WNT9A: variants seen among roughly 807,000 people sequenced by gnomAD.
WNT9A encodes the protein protein Wnt-9a.
A neutral mutation model predicts 31.4 loss-of-function variants in WNT9A; 8 were observed. That is an observed-to-expected ratio of 0.26 (90% CI 0.15 to 0.46). The LOEUF (loss-of-function observed/expected upper bound fraction) is 0.46, where lower values mean the gene tolerates loss of function less well. Ranked by LOEUF, WNT9A falls within the 20% of genes least tolerant of loss-of-function variation. The pLI is 0.99. For missense variants in WNT9A, 457 were observed against 522.9 expected, an observed-to-expected ratio of 0.87 and a Z score of 1.23; for synonymous variants, 236 against 220.1, an observed-to-expected ratio of 1.07 and a Z score of -0.64.
intron 1 of WNT9A, among the ~76,000 whole-genome samples, chr1:227,940,817 C>T (rs1053730737): frequency 6.6e-6 from 1 of 152,250 alleles, no homozygotes; most frequent in Admixed American, 6.5e-5. Context: ...GGCGCCCAGC[C>T]AGCCAGGACC....
chr1:227,922,064 C>G (rs898485561), intron 3 of WNT9A, 64 bp from the exon 4 acceptor site: 2 of 1,536,576 alleles, frequency 1.3e-6, no homozygotes, highest in African/African-American at 2.7e-5. Context: ...AGTGAGCAGA[C>G]CCTGCCCTGG....
intron 1 of WNT9A, among the ~76,000 whole-genome samples, chr1:227,941,299 T>C (rs927805949): frequency 6.6e-6 from 1 of 151,990 alleles, no homozygotes; most frequent in Non-Finnish European, 1.5e-5. Context: ...CAGGGACCCT[T>C]CTGGCCAATC....
chr1:227,941,037 TCTG>T (rs1666696533), intron 1 of WNT9A, among the ~76,000 whole-genome samples: 1 of 152,222 alleles, frequency 6.6e-6, no homozygotes. Context: ...GCATGGCTGC[TCTG>T]GTGGGGCCAT....
chr1:227,947,824 C>T lies in WNT9A; in HGVS notation c.64G>A (p.Ala22Thr). The T allele has an allele frequency of 9.1e-7, 1 of 1,095,302 alleles. No individual in the cohort carries two copies. The highest frequency in any genetic ancestry group is 1.1e-6 in the Non-Finnish European group (1 of 901,226). The allele number at this position is 1,095,302 out of a possible 1,614,324, so 67.8% of individuals were successfully genotyped here. ...AAAFGLTLLL[A>T]ALRPSAAYFG... ...TAGGCGGCCGAAGGGCGCAGCGCGGCGAGCAGCAGCGTCAGCCCGAAGGCC... is the reference window on the plus strand; with the variant it reads ...TAGGCGGCCGAAGGGCGCAGCGCGGTGAGCAGCAGCGTCAGCCCGAAGGCC... Residue 22 changes from alanine to threonine, a missense_variant, in exon 1 of 4, where the codon GCC becomes ACC. Coordinates refer to ENST00000272164, the MANE Select transcript of WNT9A (RefSeq NM_003395.4).
chr1:227,939,870 C>T (rs1390485345), intron 1 of WNT9A, among the ~76,000 whole-genome samples: 1 of 152,244 alleles, frequency 6.6e-6, no homozygotes, highest in Non-Finnish European at 1.5e-5. Flanking sequence ...TCCACCCTCC[C>T]CGTGGTCTGC....
intron 1 of WNT9A, among the ~76,000 whole-genome samples, chr1:227,943,429 C>G (rs1417979475): frequency 6.6e-6 from 1 of 152,224 alleles, no homozygotes; most frequent in Non-Finnish European, 1.5e-5. Context: ...TAAAAACAGG[C>G]AAAGGAGCTG....
intron 2 of WNT9A, among the ~76,000 whole-genome samples, chr1:227,924,832 G>A (rs1213925156): frequency 6.6e-6 from 1 of 152,206 alleles, no homozygotes; most frequent in Non-Finnish European, 1.5e-5. Context: ...ATAGGCAGTG[G>A]AGAGCCCCTG....
Position 227,920,350 on chromosome 1 carries a change from T to C in WNT9A, c.*1168A>G, listed in dbSNP as rs1405981626. On this transcript the variant is annotated 3_prime_UTR_variant, in exon 4 of 4. Transcript: ENST00000272164. The stretch of plus-strand genomic sequence containing the variant: ...TCAGAGGCAGGGTTAGGAGGGAATA[T>C]GTCAGGGACGGAAGGCGGGGCCCTC... The C allele has an allele frequency of 6.6e-6, 1 of 152,368 alleles. No homozygotes were observed. Among genetic ancestry groups the C allele is most frequent in the Non-Finnish European group, 1.5e-5 (1 of 68,034 alleles). 9.4% of individuals were successfully genotyped at this position (152,368 alleles called of 1,614,324 possible).
chr1:227,940,696 A>T (rs1026254504), intron 1 of WNT9A, among the ~76,000 whole-genome samples: 2 of 152,194 alleles, frequency 1.3e-5, no homozygotes, highest in Non-Finnish European at 2.9e-5. Context: ...GGTATCGCTA[A>T]AAAAAACAAA....
intron 3 of WNT9A, among the ~76,000 whole-genome samples, chr1:227,922,641 A>G (rs573575417): frequency 6.6e-6 from 1 of 152,206 alleles, no homozygotes; most frequent in South Asian, 2.1e-4. Flanking sequence ...GAGAGTGTCC[A>G]GGCTGGCCCC....
intron 1 of WNT9A, among the ~76,000 whole-genome samples, chr1:227,945,080 C>A (rs1274081499): frequency 6.6e-6 from 1 of 152,208 alleles, no homozygotes; most frequent in Non-Finnish European, 1.5e-5. Flanking sequence ...GGCGTCTAAT[C>A]CGGATCTACC....
intron 3 of WNT9A, among the ~76,000 whole-genome samples, chr1:227,922,430 T>C (rs898558357): frequency 6.6e-6 from 1 of 152,220 alleles, no homozygotes; most frequent in Non-Finnish European, 1.5e-5. Flanking sequence ...CCTCATCTAG[T>C]GGTGTATGTC....
At position 227,920,482 on chromosome 1, in the gene WNT9A, T is replaced by C. The variant is rs1203949387; in HGVS notation, c.*1036A>G. The C allele has an allele frequency of 6.6e-6, 1 of 152,094 alleles. No homozygotes were observed. Among genetic ancestry groups the C allele is most frequent in the Non-Finnish European group, 1.5e-5 (1 of 68,024 alleles). The allele number at this position is 152,094 out of a possible 1,614,324, so 9.4% of individuals were successfully genotyped here. A position where few individuals can be genotyped will look rare whatever the true frequency, so the allele number is the denominator to read the frequency against. ...TTAAATAATCATAATAATTTAAAAGTCACTGATATTTACTCCAAAGAGAAG... is the reference window on the plus strand; with the variant it reads ...TTAAATAATCATAATAATTTAAAAGCCACTGATATTTACTCCAAAGAGAAG... On this transcript the variant is annotated 3_prime_UTR_variant, in exon 4 of 4. Transcript: ENST00000272164.
intron 1 of WNT9A, among the ~76,000 whole-genome samples, chr1:227,931,900 T>A (rs1558261663): frequency 1.3e-5 from 2 of 149,978 alleles, no homozygotes. Flanking sequence ...TTTTTGTATC[T>A]TTAGTAGAGA....
At position 227,924,420 on chromosome 1, in the gene WNT9A, A is replaced by G. The variant is rs4653889; in HGVS notation, c.353-20T>C. On this transcript the variant is annotated intron_variant, in intron 2 of 3. Coordinates refer to ENST00000272164, the MANE Select transcript of WNT9A (RefSeq NM_003395.4). The stretch of plus-strand genomic sequence containing the variant: ...TGAAGCCTGGGGTTGGCAAGGGCCG[A>G]TCAGTGAGCCCAGGCTGCCCAGAGT... 0.52 allele frequency: 839,087 copies of G among 1,600,788 alleles called. 222,157 individuals carry two copies. Among genetic ancestry groups the G allele is most frequent in the African/African-American group, 0.67 (50,238 of 74,756 alleles).
intron 1 of WNT9A, among the ~76,000 whole-genome samples, chr1:227,941,250 A>AGGGAGCC (rs1666699729): frequency 6.6e-6 from 1 of 152,122 alleles, no homozygotes; most frequent in African/African-American, 2.4e-5. Flanking sequence ...GAGTCTTGGG[A>AGGGAGCC]TAGGAGGGCA....
intron 1 of WNT9A, among the ~76,000 whole-genome samples, chr1:227,930,908 C>T (rs1666500675): frequency 1.3e-5 from 2 of 151,814 alleles, no homozygotes; most frequent in African/African-American, 2.4e-5. Context: ...GTAATCCCAG[C>T]TACTCGCTTG....
intron 3 of WNT9A, 38 bp downstream of exon 3, chr1:227,924,089 CGCTCTTTCTGA>C: frequency 4.0e-6 from 3 of 741,266 alleles, no homozygotes; most frequent in South Asian, 2.2e-5. Flanking sequence ...AACCCCCTGA[CGCTCTTTCTGA>C]CCCTCCCTTC....
intron 1 of WNT9A, among the ~76,000 whole-genome samples, chr1:227,937,565 T>C (rs938798627): frequency 1.3e-5 from 2 of 152,094 alleles, no homozygotes; most frequent in Admixed American, 6.5e-5. Context: ...GCTGTCCTTA[T>C]AAGAAAAAGG....
Sources: gnomAD v4.1 joint callset for allele counts (sites outside exome capture counted in the v4.1 genomes callset) on GRCh38, gnomAD v4.1.1 for gene constraint, MANE v1.5 for transcripts, NCBI Gene and HGNC (gene_info 2026-07-23, HGNC 2026-07-21) for gene names.